MROH1: variants seen among roughly 807,000 people sequenced by gnomAD.
The protein encoded by MROH1 is maestro heat like repeat family member 1.
In MROH1, 117 loss-of-function variants were observed where a neutral mutation model predicts 116.5. The ratio of observed to expected loss-of-function variants is 1.00; its 90% confidence interval spans 0.86 to 1.17. The LOEUF is 1.17. Ranked by LOEUF, MROH1 falls within the 50% of genes most tolerant of loss-of-function variation. MROH1 has a pLI of 0.00. For synonymous variants in MROH1, 921 were observed against 583.9 expected (o/e 1.58, Z -8.32); for missense variants, 1,873 against 1,338.5 (o/e 1.40, Z -6.23).
chr8:144,190,971 C>T, intron 8 of MROH1, 36 bp downstream of exon 8: 1 of 1,582,146 alleles, frequency 6.3e-7, no homozygotes, highest in Non-Finnish European at 8.6e-7. Context: ...ACGCCTGATG[C>T]CAGGGCTCTC....
At chr8:144,175,354 C>G (rs546043229) in intron 4 of MROH1, 5 of 444,372 alleles carry the variant, frequency 1.1e-5, no homozygotes, top group East Asian at 3.1e-4. Context: ...CCCCTCCCCC[C>G]CTCCCAGCAA....
chr8:144,208,020 G>A (rs958801019), intron 12 of MROH1, among the ~76,000 whole-genome samples: 1 of 150,222 alleles, frequency 6.7e-6, no homozygotes, highest in Non-Finnish European at 1.5e-5. Flanking sequence ...ATCTCAGCTC[G>A]CTGAAGCCTC....
intron 7 of MROH1, among the ~76,000 whole-genome samples, chr8:144,183,706 G>A (rs34664633): frequency 0.049 from 7,436 of 151,776 alleles, 237 homozygotes; most frequent in Non-Finnish European, 0.076. Flanking sequence ...GAGTGCAGTG[G>A]CGCGATCTCG....
At chr8:144,240,735 G>T in intron 20 of MROH1, 58 bp downstream of exon 20, 1 of 706,506 alleles carries the variant, frequency 1.4e-6, no homozygotes, top group Non-Finnish European at 2.6e-6. Context: ...TCTGGGTCTC[G>T]TGTCTGTCAC....
intron 4 of MROH1, among the ~76,000 whole-genome samples, chr8:144,173,659 C>T (rs1219367088): frequency 6.6e-6 from 1 of 152,012 alleles, no homozygotes; most frequent in African/African-American, 2.4e-5. Flanking sequence ...AACTCCTGAC[C>T]TGATCCACCC....
At chr8:144,242,155 G>A in intron 22 of MROH1, 1 of 641,702 alleles carries the variant, frequency 1.6e-6, no homozygotes, top group Non-Finnish European at 2.8e-6. Context: ...GTGGGCCCAT[G>A]CCTGGCTGGC....
chr8:144,242,183 C>T (rs1841121393), intron 22 of MROH1, 186 bp from the exon 23 acceptor site: 5 of 683,092 alleles, frequency 7.3e-6, no homozygotes, highest in Non-Finnish European at 1.3e-5. Context: ...GCTCCTGCCC[C>T]TTGCAAAGAG....
chr8:144,220,679 C>A lies in MROH1; in HGVS notation c.1215+6C>A. The A allele has an allele frequency of 6.4e-7, 1 of 1,566,206 alleles. No homozygotes were observed. Among genetic ancestry groups the A allele is most frequent in the Middle Eastern group, 1.7e-4 (1 of 6,000 alleles). The stretch of plus-strand genomic sequence containing the variant: ...TCCTGGACACCAACAGCAAGGTAAA[C>A]CACATGGGCCAGCCCAGGCTGCACC... On this transcript the variant is annotated splice_donor_region_variant and intron_variant, in intron 13 of 43. Coordinates refer to ENST00000326134, the MANE Select transcript of MROH1 (RefSeq NM_032450.3).
rs950496181 is a variant in MROH1 at position 144,222,959 on chromosome 8, T to C, written c.1216-149T>C. 2.7e-6 allele frequency: 3 copies of C among 1,116,760 alleles called. No homozygotes were observed. The African/African-American group carries it at 4.7e-5, about 17-fold the overall frequency. The allele number at this position is 1,116,760 out of a possible 1,614,324, so 69.2% of individuals were successfully genotyped here. On this transcript the variant is annotated intron_variant, in intron 13 of 43. Coordinates refer to ENST00000326134, the MANE Select transcript of MROH1 (RefSeq NM_032450.3). ...GTGGATTCAGGTGCAGGCCCAGGTA[T>C]GGGTGCAGGTACAGGTGTCAGTGTA...
chr8:144,244,067 C>A, intron 26 of MROH1, 125 bp downstream of exon 26: 1 of 708,930 alleles, frequency 1.4e-6, no homozygotes. Flanking sequence ...CGTGTGTGCA[C>A]GCCTTGTGTG....
chr8:144,152,367 C>G (rs1439477416), intron 1 of MROH1, among the ~76,000 whole-genome samples: 1 of 148,464 alleles, frequency 6.7e-6, no homozygotes, highest in Non-Finnish European at 1.5e-5. Flanking sequence ...TTTATCATAA[C>G]TGCCTTGTTT....
intron 1 of MROH1, among the ~76,000 whole-genome samples, chr8:144,159,192 T>C (rs574771568): frequency 6.6e-6 from 1 of 152,194 alleles, no homozygotes; most frequent in Non-Finnish European, 1.5e-5. Flanking sequence ...ACCCCATCTC[T>C]ACTAAAAATA....
chr8:144,188,894 A>G (rs1827878320), intron 7 of MROH1, among the ~76,000 whole-genome samples: 1 of 152,152 alleles, frequency 6.6e-6, no homozygotes, highest in Non-Finnish European at 1.5e-5. Context: ...CTTTTAAAGC[A>G]GATGTGGGAA....
intron 12 of MROH1, among the ~76,000 whole-genome samples, chr8:144,207,055 A>G (rs2132011526): frequency 6.6e-6 from 1 of 151,948 alleles, no homozygotes; most frequent in South Asian, 2.1e-4. Flanking sequence ...GAGAAAAGAA[A>G]TTTAAAAAAA....
chr8:144,168,012 T>C (rs1564378811), intron 3 of MROH1, among the ~76,000 whole-genome samples: 1 of 152,132 alleles, frequency 6.6e-6, no homozygotes, highest in Admixed American at 6.5e-5. Flanking sequence ...TCTGTGTCGC[T>C]CAACCCTGAT....
At chr8:144,200,280 C>T (rs1830804896) in intron 11 of MROH1, 148 bp from the exon 12 acceptor site, 3 of 629,746 alleles carry the variant, frequency 4.8e-6, no homozygotes. Context: ...GGCATCGGAG[C>T]CAGGCCCAGC....
intron 4 of MROH1, among the ~76,000 whole-genome samples, chr8:144,171,320 A>G (rs1822380309): frequency 6.6e-6 from 1 of 152,166 alleles, no homozygotes; most frequent in African/African-American, 2.4e-5. Flanking sequence ...TTACCCATTT[A>G]TGACACAGGC....
chr8:144,229,733 T>C (rs1838478266), intron 14 of MROH1, among the ~76,000 whole-genome samples: 1 of 152,132 alleles, frequency 6.6e-6, no homozygotes, highest in African/African-American at 2.4e-5. Context: ...GGCTTTTTTG[T>C]TTTCTCTTAG....
intron 7 of MROH1, among the ~76,000 whole-genome samples, chr8:144,188,609 G>A (rs1325393888): frequency 6.6e-6 from 1 of 151,902 alleles, no homozygotes; most frequent in Non-Finnish European, 1.5e-5. Context: ...TGGGATTACA[G>A]GGGCGTGCCA....
Sources: allele counts gnomAD v4.1 joint callset (sites outside exome capture counted in the v4.1 genomes callset), GRCh38; gene constraint gnomAD v4.1.1; transcripts MANE v1.5; gene names NCBI Gene and HGNC (gene_info 2026-07-23, HGNC 2026-07-21).